Variants in GPR158 observed in about 807,000 individuals in gnomAD.
GPR158 encodes the protein metabotropic glycine receptor.
A neutral mutation model predicts 78.2 loss-of-function variants in GPR158; 30 were observed. The observed-to-expected ratio is 0.38, with a 90% CI of 0.29 to 0.52. The LOEUF is 0.52. Among genes scored for constraint, GPR158 ranks in the 20% least tolerant of loss-of-function variants. The probability of loss-of-function intolerance (pLI) is 0.83; values close to 1 mark genes in which losing one functional copy is unlikely to be tolerated. For missense variants in GPR158, 1,463 were observed against 1,523.5 expected, an observed-to-expected ratio of 0.96 and a Z score of 0.66; for synonymous variants, 581 against 591.1, an observed-to-expected ratio of 0.98 and a Z score of 0.25.
At chr10:25,314,163 C>T (rs2130467185) in intron 2 of GPR158, among the ~76,000 whole-genome samples, 1 of 152,188 alleles carries the variant, frequency 6.6e-6, no homozygotes, top group African/African-American at 2.4e-5. Flanking sequence ...TGCAGTGGCA[C>T]AATCTCGGCT....
At chr10:25,378,518 C>T (rs1834115070) in intron 2 of GPR158, among the ~76,000 whole-genome samples, 1 of 151,648 alleles carries the variant, frequency 6.6e-6, no homozygotes, top group African/African-American at 2.4e-5. Context: ...CCATTTGTCC[C>T]ACTATGCTCT....
At chr10:25,551,192 T>G (rs1348293242) in intron 6 of GPR158, 107 bp downstream of exon 6, 3 of 715,142 alleles carry the variant, frequency 4.2e-6, no homozygotes, top group Non-Finnish European at 7.6e-6. Flanking sequence ...TTTCAAGAAT[T>G]TACATAGCAA....
chr10:25,430,580 C>T (rs1316603289), intron 4 of GPR158, among the ~76,000 whole-genome samples: 3 of 150,990 alleles, frequency 2.0e-5, no homozygotes, highest in African/African-American at 7.4e-5. Context: ...AAGAACAAAG[C>T]TGGAGGCATC....
At chr10:25,506,894 A>G (rs1298489246) in intron 5 of GPR158, among the ~76,000 whole-genome samples, 1 of 152,226 alleles carries the variant, frequency 6.6e-6, no homozygotes, top group African/African-American at 2.4e-5. Flanking sequence ...ATTATGTGTT[A>G]TTATTTGAGG....
chr10:25,496,441 A>C lies in GPR158; in HGVS notation c.1404+29722A>C, dbSNP rs549859935. ...GCCTGTCTTTTGGATCTCATTCTAA[A>C]CAAATGAAGCAGACTTAATTTTACT... On this transcript the variant is annotated intron_variant, in intron 5 of 10. Coordinates refer to ENST00000376351, the MANE Select transcript of GPR158 (RefSeq NM_020752.3). 4.6e-5 allele frequency among the ~76,000 whole-genome samples: 7 copies of C among 152,344 alleles called. No individual in the cohort carries two copies. In the South Asian group the frequency reaches 1.5e-3, roughly 32 times the overall value.
At chr10:25,178,052 A>G (rs994047008) in intron 1 of GPR158, among the ~76,000 whole-genome samples, 1 of 152,116 alleles carries the variant, frequency 6.6e-6, no homozygotes, top group Non-Finnish European at 1.5e-5. Context: ...AAGTCCCAGG[A>G]TTTATCTGTC....
Position 25,528,341 on chromosome 10 carries a change from A to G in GPR158, c.1405-22635A>G, listed in dbSNP as rs537569218. Among the ~76,000 whole-genome samples, 47 of 152,116 alleles carry G rather than the reference A, an allele frequency of 3.1e-4. 1 individual carries two copies. The highest frequency in any genetic ancestry group is 1.1e-3 in the African/African-American group (47 of 41,550). On this transcript the variant is annotated intron_variant, in intron 5 of 10. Transcript: ENST00000376351. ...ATTGGATCTATATATATATAGATAT[A>G]TAGAGAGAGATCCAAGCATTAGATG...
At chr10:25,429,468 A>C (rs180736342) in intron 4 of GPR158, among the ~76,000 whole-genome samples, 5 of 152,130 alleles carry the variant, frequency 3.3e-5, no homozygotes, top group Admixed American at 3.3e-4. Context: ...TCAAATGTTT[A>C]TTTTTTCTTG....
At chr10:25,463,363 G>T (rs1224924845) in intron 4 of GPR158, among the ~76,000 whole-genome samples, 2 of 152,040 alleles carry the variant, frequency 1.3e-5, no homozygotes, top group East Asian at 3.9e-4. Flanking sequence ...GCTGTGGTCT[G>T]AAACCAAACC....
intron 5 of GPR158, 87 bp from the exon 6 acceptor site, chr10:25,550,889 G>A (rs1836717377): frequency 1.3e-6 from 1 of 754,106 alleles, no homozygotes; most frequent in East Asian, 2.5e-5. Context: ...AAATTCATAT[G>A]TATGAAACAT....
At chr10:25,556,602 G>A (rs1251021348) in intron 6 of GPR158, among the ~76,000 whole-genome samples, 1 of 152,096 alleles carries the variant, frequency 6.6e-6, no homozygotes, top group Non-Finnish European at 1.5e-5. Context: ...AAGAACCACG[G>A]GATTCACCAG....
intron 4 of GPR158, among the ~76,000 whole-genome samples, chr10:25,452,664 G>A (rs1405737068): frequency 6.6e-6 from 1 of 152,178 alleles, no homozygotes; most frequent in Non-Finnish European, 1.5e-5. Context: ...TGTGGTAATT[G>A]TGGTTGGATG....
intron 5 of GPR158, among the ~76,000 whole-genome samples, chr10:25,543,667 C>T (rs1364147023): frequency 6.6e-6 from 1 of 152,158 alleles, no homozygotes; most frequent in Admixed American, 6.5e-5. Flanking sequence ...TCATTCCATA[C>T]TCTATGTCCC....
At chr10:25,224,348 C>G (rs1018476042) in intron 2 of GPR158, among the ~76,000 whole-genome samples, 3 of 151,580 alleles carry the variant, frequency 2.0e-5, no homozygotes, top group Admixed American at 2.0e-4. Context: ...TAGTAAATAC[C>G]TTTTAAACAT....
intron 8 of GPR158, among the ~76,000 whole-genome samples, chr10:25,589,800 A>G (rs1254530600): frequency 6.6e-6 from 1 of 152,226 alleles, no homozygotes; most frequent in African/African-American, 2.4e-5. Context: ...AATGAAATAT[A>G]TATGACTTAT....
At chr10:25,552,842 G>A (rs763620839) in intron 6 of GPR158, among the ~76,000 whole-genome samples, 2 of 152,148 alleles carry the variant, frequency 1.3e-5, no homozygotes, top group African/African-American at 2.4e-5. Context: ...TGTGAAACCC[G>A]ATGTTCAGTA....
intron 2 of GPR158, among the ~76,000 whole-genome samples, chr10:25,395,710 T>A (rs61853608): frequency 0.014 from 2,202 of 152,312 alleles, 36 homozygotes; most frequent in Non-Finnish European, 0.019. Flanking sequence ...TGTAATGGCA[T>A]AAATTTAGAA....
At chr10:25,460,485 A>G (rs963874293) in intron 4 of GPR158, among the ~76,000 whole-genome samples, 19 of 152,264 alleles carry the variant, frequency 1.2e-4, no homozygotes, top group African/African-American at 4.6e-4. Flanking sequence ...TTGAGCCACC[A>G]TGCCCAGCCT....
At chr10:25,317,611 ATT>A (rs1326345246) in intron 2 of GPR158, among the ~76,000 whole-genome samples, 1 of 151,540 alleles carries the variant, frequency 6.6e-6, no homozygotes, top group Admixed American at 6.6e-5. Flanking sequence ...GTTTGAGAAT[ATT>A]TAATTCAGTT....
Sources: gnomAD v4.1 joint callset for allele counts (sites outside exome capture counted in the v4.1 genomes callset) on GRCh38, gnomAD v4.1.1 for gene constraint, MANE v1.5 for transcripts, NCBI Gene and HGNC (gene_info 2026-07-23, HGNC 2026-07-21) for gene names.